CA10: variants seen among roughly 807,000 people sequenced by gnomAD.
The protein encoded by CA10 is carbonic anhydrase-related protein 10.
A neutral mutation model predicts 44.2 loss-of-function variants in CA10; 14 were observed. The ratio of observed to expected loss-of-function variants is 0.32; its 90% confidence interval spans 0.21 to 0.50. CA10 has a LOEUF of 0.50. Ranked by LOEUF, CA10 falls within the 20% of genes least tolerant of loss-of-function variation. The pLI is 0.99. For missense variants in CA10, 350 were observed against 409.7 expected (o/e 0.85, Z 1.26); for synonymous variants, 159 against 141.6 (o/e 1.12, Z -0.87).
At chr17:51,717,333 C>G (rs922060284) in intron 4 of CA10, among the ~76,000 whole-genome samples, 1 of 151,876 alleles carries the variant, frequency 6.6e-6, no homozygotes, top group Non-Finnish European at 1.5e-5. Context: ...GCTAGCCCAA[C>G]ATTGGCCTGT....
chr17:52,058,547 GTAA>G (rs1427920935), intron 2 of CA10, among the ~76,000 whole-genome samples: 2 of 152,122 alleles, frequency 1.3e-5, no homozygotes, highest in Non-Finnish European at 2.9e-5. Flanking sequence ...CTGAAGTGTG[GTAA>G]TAATAGGGAC....
intron 3 of CA10, among the ~76,000 whole-genome samples, chr17:51,930,654 T>G (rs755152811): frequency 6.6e-6 from 1 of 152,116 alleles, no homozygotes; most frequent in Non-Finnish European, 1.5e-5. Flanking sequence ...AAAGAAGGCC[T>G]AGTAAAGCAG....
At chr17:51,992,508 G>C (rs985155599) in intron 2 of CA10, among the ~76,000 whole-genome samples, 1 of 152,048 alleles carries the variant, frequency 6.6e-6, no homozygotes, top group Non-Finnish European at 1.5e-5. Context: ...TGCTGTAAAG[G>C]CTGGACTGAT....
chr17:51,720,255 AG>A (rs1317879210), intron 4 of CA10, among the ~76,000 whole-genome samples: 2 of 152,202 alleles, frequency 1.3e-5, no homozygotes, highest in East Asian at 1.9e-4. Flanking sequence ...TACTGCAGTG[AG>A]GAAGTCTTCT....
At chr17:51,731,792 C>T (rs369884394) in intron 4 of CA10, among the ~76,000 whole-genome samples, 113 of 152,038 alleles carry the variant, frequency 7.4e-4, no homozygotes, top group African/African-American at 2.4e-3. Flanking sequence ...ATTCTTGTGC[C>T]TCAGCCTCCC....
intron 3 of CA10, among the ~76,000 whole-genome samples, chr17:51,804,762 T>G (rs1907064930): frequency 6.6e-6 from 1 of 152,216 alleles, no homozygotes; most frequent in Non-Finnish European, 1.5e-5. Context: ...TAAATACGTA[T>G]GTGATGCTAT....
intron 3 of CA10, among the ~76,000 whole-genome samples, chr17:51,754,696 T>A (rs1905025061): frequency 6.6e-6 from 1 of 151,736 alleles, no homozygotes; most frequent in Non-Finnish European, 1.5e-5. Context: ...TAAATGTTTA[T>A]CTCATCCATA....
intron 1 of CA10, among the ~76,000 whole-genome samples, chr17:52,148,685 A>G (rs187781651): frequency 7.6e-4 from 116 of 152,164 alleles, no homozygotes; most frequent in African/African-American, 2.6e-3. Context: ...GCTCCTTATT[A>G]TTCATTTATG....
At chr17:51,918,741 T>A (rs145878677) in intron 3 of CA10, among the ~76,000 whole-genome samples, 1 of 152,342 alleles carries the variant, frequency 6.6e-6, no homozygotes, top group East Asian at 1.9e-4. Flanking sequence ...CTGGGTTTGC[T>A]CTATGAGAAA....
At chr17:51,756,807 G>T (rs901863670) in intron 3 of CA10, among the ~76,000 whole-genome samples, 10 of 152,046 alleles carry the variant, frequency 6.6e-5, no homozygotes, top group Non-Finnish European at 1.3e-4. Context: ...AAAGCTTCTG[G>T]GGTTAGGGAT....
chr17:51,887,967 G>A lies in CA10; in HGVS notation c.279+43023C>T, dbSNP rs113940569. On this transcript the variant is annotated intron_variant, in intron 3 of 8. Transcript: ENST00000451037. ...TTGAACCCAGGAGGCAGAGGTTGCA[G>A]TAAGCCGAGATTGCGCCACTGCACT... 4.7e-3 allele frequency among the ~76,000 whole-genome samples: 711 copies of A among 152,206 alleles called. 5 individuals carry two copies. The highest frequency in any genetic ancestry group is 0.017 in the African/African-American group (686 of 41,544).
chr17:51,725,966 C>G lies in CA10; in HGVS notation c.465+21667G>C, dbSNP rs141288238. ...AACACACTTACACATTCTGCCAGAG[C>G]CCCAAAGAGTCATTCACCTGTCGGG... is the stretch of plus-strand genomic sequence containing the variant. On this transcript the variant is annotated intron_variant, in intron 4 of 8. Coordinates refer to ENST00000451037, the MANE Select transcript of CA10 (RefSeq NM_020178.5). Among the ~76,000 whole-genome samples, 288 of 62,124 alleles carry G rather than the reference C, an allele frequency of 4.6e-3. 1 individual carries two copies. The highest frequency in any genetic ancestry group is 0.018 in the African/African-American group (275 of 14,928). The allele number at this position is 62,124 out of a possible 152,430, so 40.8% of individuals were successfully genotyped here.
intron 2 of CA10, among the ~76,000 whole-genome samples, chr17:51,965,176 A>T (rs942635809): frequency 1.3e-5 from 2 of 151,954 alleles, no homozygotes; most frequent in Non-Finnish European, 2.9e-5. Context: ...GGAAATGAAC[A>T]ACCTCCCATG....
At chr17:51,761,230 C>T (rs963541471) in intron 3 of CA10, 2 of 152,126 alleles carry the variant, frequency 1.3e-5, no homozygotes, top group Admixed American at 6.6e-5. Flanking sequence ...AGACAGATAG[C>T]CCTCTATCTG....
Position 51,663,027 on chromosome 17 carries a change from A to T in CA10, c.466-9291T>A, listed in dbSNP as rs560733154. ...CTGTCCAAGTAATGTGGGGCTACTT[A>T]TCCCCTCTGATTATTTCTTTATGCA... On this transcript the variant is annotated intron_variant, in intron 4 of 8. Transcript: ENST00000451037. Among the ~76,000 whole-genome samples, 18 of 152,302 alleles carry T rather than the reference A, an allele frequency of 1.2e-4. No individual in the cohort carries two copies. The South Asian group carries it at 3.7e-3, about 32-fold the overall frequency.
chr17:51,846,980 G>T (rs999646434), intron 3 of CA10, among the ~76,000 whole-genome samples: 1 of 152,224 alleles, frequency 6.6e-6, no homozygotes, highest in African/African-American at 2.4e-5. Flanking sequence ...ATAGTTGCCT[G>T]ATGAGGTAGG....
chr17:51,844,889 T>G (rs1978422875), intron 3 of CA10, among the ~76,000 whole-genome samples: 2 of 152,162 alleles, frequency 1.3e-5, no homozygotes, highest in Non-Finnish European at 2.9e-5. Context: ...GTGACCTTAT[T>G]AAGAAATAGG....
At chr17:51,716,376 C>T (rs1916114299) in intron 4 of CA10, among the ~76,000 whole-genome samples, 1 of 152,116 alleles carries the variant, frequency 6.6e-6, no homozygotes, top group Admixed American at 6.5e-5. Flanking sequence ...GAGAAGCACA[C>T]CTGAGGCAAG....
intron 3 of CA10, among the ~76,000 whole-genome samples, chr17:51,885,786 C>T (rs1980572993): frequency 2.0e-5 from 3 of 152,206 alleles, no homozygotes; most frequent in Non-Finnish European, 4.4e-5. Context: ...AGCATCTATC[C>T]AGTGCTTGGA....
Sources: allele counts gnomAD v4.1 joint callset (sites outside exome capture counted in the v4.1 genomes callset), GRCh38; gene constraint gnomAD v4.1.1; transcripts MANE v1.5; gene names NCBI Gene and HGNC (gene_info 2026-07-23, HGNC 2026-07-21).